The following ACTR10 variants were observed in gnomAD, a reference collection of about 807,000 sequenced individuals.
The protein encoded by ACTR10 is actin related protein 10.
Under a neutral mutation model 56.2 loss-of-function variants are expected in ACTR10, and 43 were observed. The observed-to-expected ratio is 0.77, with a 90% confidence interval of 0.60 to 0.99. ACTR10 has a LOEUF of 0.99. ACTR10 is among the 50% of genes least tolerant of loss of function. The pLI, the probability that ACTR10 is intolerant of heterozygous loss-of-function variation, is 0.00. For missense variants in ACTR10, 466 were observed against 507.8 expected, an observed-to-expected ratio of 0.92 and a Z score of 0.79; for synonymous variants, 170 against 176.3, an observed-to-expected ratio of 0.96 and a Z score of 0.28.
At position 58,232,212 on chromosome 14, in the gene ACTR10, G is replaced by C; in HGVS notation, c.1017G>C (p.Lys339Asn). The change falls in exon 12 of 13, where the codon AAG becomes AAC. Residue 339 changes from lysine (K) to asparagine (N), a missense_variant. Lys to Asn is a moderately conservative substitution (Grantham distance 94). Transcript: ENST00000254286. ...AATATAAAAAAGCACTTGGCACTAA[G>C]ACATTTCGAATTCATACTCCACCTG... ...KPKYKKALGTKTFRIHTPPAK... is the reference protein window; with the variant it reads ...KPKYKKALGTNTFRIHTPPAK... 1 of 1,613,770 alleles carries C rather than the reference G, an allele frequency of 6.2e-7. No homozygotes were observed.
chr14:58,215,118 T>C (rs1332408160), intron 6 of ACTR10, 87 bp from the exon 7 acceptor site: 2 of 827,498 alleles, frequency 2.4e-6, no homozygotes, highest in Non-Finnish European at 3.6e-6. Context: ...AAAAAAATCA[T>C]AATAATCTAT....
chr14:58,224,884 G>A (rs996122396), intron 10 of ACTR10, among the ~76,000 whole-genome samples: 1 of 151,918 alleles, frequency 6.6e-6, no homozygotes, highest in Non-Finnish European at 1.5e-5. Context: ...AGCTACTCAG[G>A]AGGCTGAGGC....
At chr14:58,204,139 T>G (rs918132487) in intron 2 of ACTR10, among the ~76,000 whole-genome samples, 13 of 151,764 alleles carry the variant, frequency 8.6e-5, no homozygotes, top group African/African-American at 2.9e-4. Context: ...CGCAGCACTT[T>G]GGGAGGCCGA....
At chr14:58,212,155 T>TA (rs2140048890) in intron 5 of ACTR10, among the ~76,000 whole-genome samples, 1 of 152,200 alleles carries the variant, frequency 6.6e-6, no homozygotes, top group South Asian at 2.1e-4. Context: ...AAATTGGGGA[T>TA]TATAATATTT....
chr14:58,223,146 T>C (rs982505627), intron 8 of ACTR10, among the ~76,000 whole-genome samples: 1 of 152,208 alleles, frequency 6.6e-6, no homozygotes, highest in African/African-American at 2.4e-5. Flanking sequence ...GGTTTGTTTT[T>C]TTTCTTTGAG....
At chr14:58,230,961 G>T (rs1889517055) in intron 11 of ACTR10, 1 of 191,730 alleles carries the variant, frequency 5.2e-6, no homozygotes. Flanking sequence ...GTTTCGCCAT[G>T]TTGGCCAGGC....
At chr14:58,204,271 C>T (rs139017670) in intron 2 of ACTR10, among the ~76,000 whole-genome samples, 1,715 of 151,880 alleles carry the variant, frequency 0.011, 34 homozygotes, top group African/African-American at 0.039. Flanking sequence ...GTATTCCCAG[C>T]TACTTGGGAG....
intron 1 of ACTR10, among the ~76,000 whole-genome samples, 167 bp downstream of exon 1, chr14:58,200,461 C>T (rs778914739): frequency 7.2e-5 from 11 of 152,206 alleles, no homozygotes; most frequent in Non-Finnish European, 1.6e-4. Flanking sequence ...CCTCCCTGGG[C>T]GATGCGAATC....
chr14:58,206,669 A>G (rs1003736148), intron 2 of ACTR10, among the ~76,000 whole-genome samples: 2 of 152,374 alleles, frequency 1.3e-5, no homozygotes, highest in Middle Eastern at 3.4e-3. Flanking sequence ...TCTGAGGATC[A>G]TAAGTGAAGC....
At chr14:58,214,910 A>T (rs962246580) in intron 6 of ACTR10, among the ~76,000 whole-genome samples, 2 of 149,780 alleles carry the variant, frequency 1.3e-5, no homozygotes, top group African/African-American at 4.9e-5. Flanking sequence ...GTTCAAGACC[A>T]GCCTGGCCAA....
chr14:58,204,992 A>G (rs1417330697), intron 2 of ACTR10, among the ~76,000 whole-genome samples: 2 of 152,060 alleles, frequency 1.3e-5, no homozygotes, highest in Admixed American at 6.6e-5. Context: ...AGGCTGAGGC[A>G]GGTGGATCAC....
intron 1 of ACTR10, among the ~76,000 whole-genome samples, 160 bp downstream of exon 1, chr14:58,200,454 C>T (rs532105233): frequency 6.6e-6 from 1 of 152,340 alleles, no homozygotes; most frequent in East Asian, 1.9e-4. Context: ...ATTATTTCCT[C>T]CCTGGGCGAT....
chr14:58,226,304 G>A (rs1889398619), intron 10 of ACTR10, among the ~76,000 whole-genome samples: 2 of 151,298 alleles, frequency 1.3e-5, no homozygotes, highest in South Asian at 2.1e-4. Flanking sequence ...TGTAGAGATA[G>A]AGTCTCACTG....
intron 10 of ACTR10, among the ~76,000 whole-genome samples, chr14:58,229,552 C>A (rs1477759084): frequency 6.6e-6 from 1 of 151,956 alleles, no homozygotes; most frequent in African/African-American, 2.4e-5. Context: ...GTGGCGGGCA[C>A]CTGTAGTCCG....
At chr14:58,216,895 C>G (rs1439150818) in intron 7 of ACTR10, among the ~76,000 whole-genome samples, 1 of 152,192 alleles carries the variant, frequency 6.6e-6, no homozygotes, top group African/African-American at 2.4e-5. Context: ...TTGAGGATCC[C>G]TGTCTTATTT....
At chr14:58,222,477 T>G (rs1249044623) in intron 8 of ACTR10, among the ~76,000 whole-genome samples, 2 of 152,154 alleles carry the variant, frequency 1.3e-5, no homozygotes, top group Non-Finnish European at 2.9e-5. Context: ...AATTTGGCAT[T>G]GTACCAGCCA....
chr14:58,209,924 G>A (rs535480989), intron 4 of ACTR10, among the ~76,000 whole-genome samples: 56 of 152,224 alleles, frequency 3.7e-4, no homozygotes, highest in Middle Eastern at 3.4e-3. Context: ...ATGAGGTAAA[G>A]GCACTTAATA....
chr14:58,203,906 G>A (rs957403952), intron 2 of ACTR10, among the ~76,000 whole-genome samples: 2 of 151,980 alleles, frequency 1.3e-5, no homozygotes, highest in Admixed American at 6.5e-5. Context: ...CTGCAAAATG[G>A]TACATTTTTA....
chr14:58,229,272 G>T (rs1889474039), intron 10 of ACTR10, among the ~76,000 whole-genome samples: 1 of 152,078 alleles, frequency 6.6e-6, no homozygotes, highest in South Asian at 2.1e-4. Flanking sequence ...GAAATGAGGA[G>T]AGGGTCAAAG....
Sources: allele counts gnomAD v4.1 joint callset (sites outside exome capture counted in the v4.1 genomes callset), GRCh38; gene constraint gnomAD v4.1.1; transcripts MANE v1.5; gene names NCBI Gene and HGNC (gene_info 2026-07-23, HGNC 2026-07-21).